Variants in ADGRB1 observed in about 807,000 individuals in gnomAD.
ADGRB1 encodes brain-specific angiogenesis inhibitor 1.
In ADGRB1, 36 loss-of-function variants were observed where a neutral mutation model predicts 175.7. The ratio of observed to expected loss-of-function variants is 0.20; its 90% CI spans 0.16 to 0.27. The LOEUF (loss-of-function observed/expected upper bound fraction) is 0.27, where lower values mean the gene tolerates loss of function less well. ADGRB1 is among the 10% of genes least tolerant of loss of function. The pLI, the probability that ADGRB1 is intolerant of heterozygous loss-of-function variation, is 1.00. For synonymous variants in ADGRB1, 1,054 were observed against 979.4 expected (o/e 1.08, Z -1.42); for missense variants, 1,731 against 2,255.3 (o/e 0.77, Z 4.71).
rs1375915683 is a variant in ADGRB1, at chr8:142,510,714, G to C, written c.2676-218G>C. Among the ~76,000 whole-genome samples, 2 of 145,258 alleles carry C rather than the reference G, an allele frequency of 1.4e-5. No homozygotes were observed. Among genetic ancestry groups the C allele is most frequent in the South Asian group, 2.1e-4 (1 of 4,786 alleles). On this transcript the variant is annotated intron_variant, in intron 17 of 30. Transcript: ENST00000517894. The surrounding 1 kb of genome is among the most constrained non-coding windows in gnomAD (Gnocchi z 6.3). ...CCTCGGGCTGCGCTCCGCGGCTCTC[G>C]GCGGCGGCGGCGGCGGGCGCAGAGC...
In ADGRB1 at chr8:142,484,638, C is replaced by T. The variant is rs1425729904; in HGVS notation, c.2200-18C>T. On this transcript the variant is annotated intron_variant, in intron 12 of 30. Transcript: ENST00000517894. ...AGTGGGGCCTCCTCCCTCGGCTGCTCACCCCCCTGCCCTCCAGGCGGGCCC... is the reference window on the plus strand; with the variant it reads ...AGTGGGGCCTCCTCCCTCGGCTGCTTACCCCCCTGCCCTCCAGGCGGGCCC... The T allele has an allele frequency of 6.3e-7, 1 of 1,599,968 alleles. No homozygotes were observed. The highest frequency in any genetic ancestry group is 8.5e-7 in the Non-Finnish European group (1 of 1,174,328).
At chr8:142,470,277 T>A (rs1176513951) in intron 2 of ADGRB1, among the ~76,000 whole-genome samples, 1 of 152,166 alleles carries the variant, frequency 6.6e-6, no homozygotes, top group Non-Finnish European at 1.5e-5. Context: ...TGGGGCCGTT[T>A]CTCTCAAGGG....
At chr8:142,508,636 C>CA (rs1842945061) in intron 17 of ADGRB1, among the ~76,000 whole-genome samples, 1 of 152,188 alleles carries the variant, frequency 6.6e-6, no homozygotes, top group Non-Finnish European at 1.5e-5. Context: ...GGTCCCTGGC[C>CA]GCCATCGCAG....
intron 17 of ADGRB1, among the ~76,000 whole-genome samples, chr8:142,507,387 T>C (rs1005423012): frequency 8.5e-5 from 13 of 152,146 alleles, no homozygotes; most frequent in African/African-American, 3.1e-4. Flanking sequence ...TCCAGGCCCT[T>C]ACAGAATGGC....
At position 142,544,498 on chromosome 8, in the gene ADGRB1, C is replaced by T. The variant is rs995643303; in HGVS notation, c.*81C>T. ...CTCCTGCCGCAGACGGGCACAGACA[C>T]GCTCGCGGGCAGCGGGCCAGGCCCG... On this transcript the variant is annotated 3_prime_UTR_variant, in exon 31 of 31. Transcript: ENST00000517894. 18 of 1,387,962 alleles carry T rather than the reference C, an allele frequency of 1.3e-5. No homozygotes were observed. Among genetic ancestry groups the T allele is most frequent in the African/African-American group, 6.1e-5 (4 of 65,524 alleles). The allele number at this position is 1,387,962 out of a possible 1,614,324, so 86.0% of individuals were successfully genotyped here.
chr8:142,505,660 G>A (rs1054143192), intron 17 of ADGRB1, among the ~76,000 whole-genome samples: 4 of 152,300 alleles, frequency 2.6e-5, no homozygotes, highest in South Asian at 2.1e-4. Context: ...CAGTCCCTGC[G>A]GGCCCTGGGA....
chr8:142,539,425 A>T lies in ADGRB1; in HGVS notation c.3706+12A>T. The T allele has an allele frequency of 6.2e-7, 1 of 1,601,138 alleles. No homozygotes were observed. The highest frequency in any genetic ancestry group is 8.5e-7 in the Non-Finnish European group (1 of 1,174,636). ...GGCCTGTAGATCAGGTGAGCGCCCG[A>T]CAGGTGAGAGGACAGTGCCAGCCCG... On this transcript the variant is annotated intron_variant, in intron 27 of 30. Transcript: ENST00000517894.
rs927992807 is a variant in ADGRB1, at chr8:142,537,280, C to G, written c.3666+198C>G. ...GGTCCGGGGTTTCCAGCTGGGAAGG[C>G]CTGAGCTGATGAGTTTGGAGGTCTC... On this transcript the variant is annotated intron_variant, in intron 26 of 30. Transcript: ENST00000517894. The surrounding 1 kb of genome is among the most constrained non-coding windows in gnomAD (Gnocchi z 4.6). Among the ~76,000 whole-genome samples, 1 of 152,090 alleles carries G rather than the reference C, an allele frequency of 6.6e-6. No homozygotes were observed. The highest frequency in any genetic ancestry group is 1.5e-5 in the Non-Finnish European group (1 of 67,990).
At chr8:142,489,482 G>A (rs111402454) in intron 16 of ADGRB1, 44 bp downstream of exon 16, 38 of 1,585,320 alleles carry the variant, frequency 2.4e-5, no homozygotes, top group African/African-American at 1.9e-4. Context: ...GCAGAAACGC[G>A]TGTGCGCGAA....
chr8:142,509,981 G>A (rs1429339371), intron 17 of ADGRB1, among the ~76,000 whole-genome samples: 3 of 152,180 alleles, frequency 2.0e-5, no homozygotes, highest in Non-Finnish European at 2.9e-5. Context: ...TCCAGGGCCA[G>A]GTCTGTGAAG....
intron 18 of ADGRB1, among the ~76,000 whole-genome samples, chr8:142,514,757 C>G (rs1387510310): frequency 6.6e-6 from 1 of 152,066 alleles, no homozygotes; most frequent in African/African-American, 2.4e-5. Flanking sequence ...GGGATCAAGG[C>G]TCAGAATATA....
chr8:142,451,530 T>A (rs1587227302), intron 1 of ADGRB1, among the ~76,000 whole-genome samples: 3 of 151,302 alleles, frequency 2.0e-5, no homozygotes, highest in Admixed American at 2.0e-4. Flanking sequence ...TGTGGGCGGG[T>A]AGGGGGCCTG....
chr8:142,500,205 C>G, intron 17 of ADGRB1, among the ~76,000 whole-genome samples: 1 of 149,260 alleles, frequency 6.7e-6, no homozygotes, highest in African/African-American at 2.5e-5. Context: ...CCCCACACCG[C>G]TCCTCCACTT....
rs369719925 is a variant in ADGRB1 at position 142,474,162 on chromosome 8, TGA to T, written c.785-1310_785-1309del. Reference sequence around the variant, plus strand: ...GGTCTCCTGCAGTCCACACTCCCACTGAGGGAGGCAGGGCCCCTTTCCTGAGG... The same window carrying T: ...GGTCTCCTGCAGTCCACACTCCCACTGGGAGGCAGGGCCCCTTTCCTGAGG... On this transcript the variant is annotated intron_variant, in intron 2 of 30. Coordinates refer to ENST00000517894, the MANE Select transcript of ADGRB1 (RefSeq NM_001702.3). The surrounding 1 kb of genome is among the most constrained non-coding windows in gnomAD (Gnocchi z 5.8). Among the ~76,000 whole-genome samples, 526 of 152,248 alleles carry T rather than the reference TGA, an allele frequency of 3.5e-3. 3 individuals carry two copies. Among genetic ancestry groups the T allele is most frequent in the African/African-American group, 0.011 (472 of 41,556 alleles).
chr8:142,489,255 C>T (rs1352890598), intron 15 of ADGRB1, 81 bp from the exon 16 acceptor site: 2 of 1,572,026 alleles, frequency 1.3e-6, no homozygotes, highest in Admixed American at 1.7e-5. Flanking sequence ...GTACAGGGGC[C>T]CTCGGGGGCA....
At chr8:142,451,081 G>A (rs1839322522) in intron 1 of ADGRB1, among the ~76,000 whole-genome samples, 1 of 152,188 alleles carries the variant, frequency 6.6e-6, no homozygotes, top group Non-Finnish European at 1.5e-5. Flanking sequence ...GGGAGCTCTG[G>A]ACCCGGCCAG....
chr8:142,461,525 C>T (rs2131659173), intron 1 of ADGRB1, among the ~76,000 whole-genome samples: 1 of 152,336 alleles, frequency 6.6e-6, no homozygotes, highest in Non-Finnish European at 1.5e-5. Context: ...GGTGGGATGA[C>T]CGAGGCCCTA....
intron 24 of ADGRB1, among the ~76,000 whole-genome samples, chr8:142,531,664 C>T (rs1844631022): frequency 6.6e-6 from 1 of 152,220 alleles, no homozygotes; most frequent in Non-Finnish European, 1.5e-5. Flanking sequence ...GGACCAGGCC[C>T]TCTGTCCTGG....
At chr8:142,497,216 C>G (rs1842258980) in intron 17 of ADGRB1, among the ~76,000 whole-genome samples, 1 of 152,242 alleles carries the variant, frequency 6.6e-6, no homozygotes, top group African/African-American at 2.4e-5. Flanking sequence ...TCCAGCCCTG[C>G]CTCCTGTGGG....
Sources: allele counts gnomAD v4.1 joint callset (sites outside exome capture counted in the v4.1 genomes callset), GRCh38; gene constraint gnomAD v4.1.1; non-coding constraint Gnocchi (gnomAD v3.1); transcripts MANE v1.5; gene names NCBI Gene and HGNC (gene_info 2026-07-23, HGNC 2026-07-21).